GLI2: variants seen among roughly 807,000 people sequenced by gnomAD.
The protein encoded by GLI2 is transcription activator GLI2.
Under a neutral mutation model 78.9 loss-of-function variants are expected in GLI2, and 22 were observed. The ratio of observed to expected loss-of-function variants is 0.28; its 90% CI spans 0.20 to 0.40. The LOEUF is 0.40. Among genes scored for constraint, GLI2 ranks in the 10% least tolerant of loss-of-function variants. The pLI, the probability that GLI2 is intolerant of heterozygous loss-of-function variation, is 1.00. For missense variants in GLI2, 2,097 were observed against 2,213.2 expected (o/e 0.95, Z 1.05); for synonymous variants, 974 against 963.7 (o/e 1.01, Z -0.20).
At chr2:120,925,413 C>T (rs547665286) in intron 2 of GLI2, among the ~76,000 whole-genome samples, 132 of 152,306 alleles carry the variant, frequency 8.7e-4, no homozygotes, top group Admixed American at 3.3e-3. Flanking sequence ...TCAACCCAAG[C>T]ATCCATTGAC....
At chr2:120,794,584 G>A (rs981786245) in intron 1 of GLI2, among the ~76,000 whole-genome samples, 1 of 152,140 alleles carries the variant, frequency 6.6e-6, no homozygotes, top group Non-Finnish European at 1.5e-5. Context: ...TGAGGCGTGC[G>A]AGTGCTGGGG....
intron 3 of GLI2, among the ~76,000 whole-genome samples, chr2:120,928,463 G>A (rs1023514353): frequency 1.3e-5 from 2 of 152,308 alleles, no homozygotes; most frequent in African/African-American, 2.4e-5. Flanking sequence ...ATCTGTTTTT[G>A]CACCTGCCTC....
intron 2 of GLI2, among the ~76,000 whole-genome samples, chr2:120,807,118 A>G (rs762588064): frequency 6.6e-6 from 1 of 152,128 alleles, no homozygotes; most frequent in Non-Finnish European, 1.5e-5. Flanking sequence ...GGGGTCACCA[A>G]AGTGTGATTG....
chr2:120,788,841 C>T (rs1684067540), intron 1 of GLI2, among the ~76,000 whole-genome samples: 1 of 152,124 alleles, frequency 6.6e-6, no homozygotes, highest in South Asian at 2.1e-4. Flanking sequence ...TTGCAGGCCC[C>T]TGGGCTGCAT....
intron 1 of GLI2, among the ~76,000 whole-genome samples, chr2:120,752,303 G>C (rs1378362088): frequency 2.3e-5 from 3 of 132,328 alleles, no homozygotes; most frequent in African/African-American, 5.9e-5. Context: ...CGGAGTCTCT[G>C]TCTGTTGCCC....
chr2:120,810,300 C>T (rs1400183947), intron 2 of GLI2, among the ~76,000 whole-genome samples: 9 of 152,298 alleles, frequency 5.9e-5, no homozygotes, highest in East Asian at 1.9e-4. Context: ...TGTGCTGGGC[C>T]GTCTTCTGTG....
At chr2:120,794,064 G>A (rs937280877) in intron 1 of GLI2, among the ~76,000 whole-genome samples, 6 of 152,212 alleles carry the variant, frequency 3.9e-5, no homozygotes, top group African/African-American at 1.4e-4. Context: ...GCTTGAGCTG[G>A]GCCTGGCTGT....
At chr2:120,967,997 T>G (rs1681943418) in intron 5 of GLI2, among the ~76,000 whole-genome samples, 2 of 152,134 alleles carry the variant, frequency 1.3e-5, no homozygotes, top group Admixed American at 6.5e-5. Context: ...AGGGGGCACT[T>G]TAGTGGTGAT....
In GLI2 at chr2:120,950,074, A is replaced by G. The variant is rs1259554438; in HGVS notation, c.255-1169A>G. Among the ~76,000 whole-genome samples the G allele has an allele frequency of 2.0e-5, 3 of 152,214 alleles. No homozygotes were observed. In the East Asian group the frequency reaches 5.8e-4, roughly 29 times the overall value. On this transcript the variant is annotated intron_variant, in intron 3 of 13. Coordinates refer to ENST00000361492, the MANE Select transcript of GLI2 (RefSeq NM_001374353.1). ...ACCCTCTAACAGCAGTTCTCCTTTC[A>G]TGACTGCCTGCCATGTCTCTGGCAC...
intron 2 of GLI2, among the ~76,000 whole-genome samples, chr2:120,924,990 G>A (rs189122973): frequency 8.1e-4 from 124 of 152,346 alleles, no homozygotes; most frequent in African/African-American, 2.8e-3. Flanking sequence ...TGGAGACTCA[G>A]AGAGGCAAAG....
At chr2:120,766,300 C>T (rs1683363859) in intron 1 of GLI2, among the ~76,000 whole-genome samples, 1 of 152,224 alleles carries the variant, frequency 6.6e-6, no homozygotes, top group African/African-American at 2.4e-5. Flanking sequence ...GTGTGAAGAG[C>T]GTCCAGCATA....
At chr2:120,886,212 G>T (rs1034318772) in intron 2 of GLI2, among the ~76,000 whole-genome samples, 2 of 29,362 alleles carry the variant, frequency 6.8e-5, no homozygotes, top group Non-Finnish European at 1.1e-4. Context: ...GTGTGTGTGC[G>T]TGTATATTTT....
At chr2:120,839,648 C>T (rs1213633721) in intron 2 of GLI2, among the ~76,000 whole-genome samples, 4 of 152,130 alleles carry the variant, frequency 2.6e-5, no homozygotes, top group East Asian at 1.9e-4. Context: ...CTGCAACCTC[C>T]GCCTCCCAGG....
chr2:120,902,373 A>G (rs1014892086), intron 2 of GLI2, among the ~76,000 whole-genome samples: 12 of 152,152 alleles, frequency 7.9e-5, no homozygotes, highest in Non-Finnish European at 1.6e-4. Flanking sequence ...ATAATAATTG[A>G]CACTCTGTGG....
chr2:120,818,804 G>A, intron 2 of GLI2, among the ~76,000 whole-genome samples: 1 of 152,184 alleles, frequency 6.6e-6, no homozygotes, highest in East Asian at 1.9e-4. Context: ...AGGCCTACTG[G>A]TTAGCATGTT....
intron 2 of GLI2, among the ~76,000 whole-genome samples, chr2:120,861,631 G>A (rs1447616920): frequency 1.3e-5 from 2 of 152,262 alleles, no homozygotes; most frequent in African/African-American, 4.8e-5. Context: ...GCCACAGCAG[G>A]GATTAACCCT....
intron 2 of GLI2, among the ~76,000 whole-genome samples, chr2:120,910,875 C>T (rs1027979428): frequency 6.6e-6 from 1 of 152,234 alleles, no homozygotes; most frequent in African/African-American, 2.4e-5. Context: ...TAAGGGGTTA[C>T]ATTTCCTTTT....
intron 2 of GLI2, among the ~76,000 whole-genome samples, chr2:120,904,025 G>A (rs1452753894): frequency 1.3e-5 from 2 of 152,128 alleles, no homozygotes; most frequent in Non-Finnish European, 2.9e-5. Flanking sequence ...CATGGAGTGT[G>A]ATCCAAGGGT....
At chr2:120,874,561 C>T (rs368286025) in intron 2 of GLI2, among the ~76,000 whole-genome samples, 136 of 152,238 alleles carry the variant, frequency 8.9e-4, no homozygotes, top group African/African-American at 2.9e-3. Flanking sequence ...GTAGACAGGC[C>T]GGCGTTGAAT....
Sources: gnomAD v4.1 joint callset for allele counts (sites outside exome capture counted in the v4.1 genomes callset) on GRCh38, gnomAD v4.1.1 for gene constraint, MANE v1.5 for transcripts, NCBI Gene and HGNC (gene_info 2026-07-23, HGNC 2026-07-21) for gene names.